FCHSD2: variants seen among roughly 807,000 people sequenced by gnomAD.
FCHSD2 encodes the protein F-BAR and double SH3 domains protein 2.
A neutral mutation model predicts 108.1 loss-of-function variants in FCHSD2; 38 were observed. The ratio of observed to expected loss-of-function variants is 0.35; its 90% CI spans 0.27 to 0.46. FCHSD2 has a LOEUF of 0.46. Ranked by LOEUF, FCHSD2 falls within the 20% of genes least tolerant of loss-of-function variation. FCHSD2 has a pLI of 1.00. For missense variants in FCHSD2, 751 were observed against 897.8 expected, an observed-to-expected ratio of 0.84 and a Z score of 2.09; for synonymous variants, 279 against 314.7, an observed-to-expected ratio of 0.89 and a Z score of 1.20.
At chr11:73,124,881 TA>T (rs1404379823) in intron 2 of FCHSD2, among the ~76,000 whole-genome samples, 9 of 151,982 alleles carry the variant, frequency 5.9e-5, no homozygotes, top group Admixed American at 2.0e-4. Context: ...ACTCAAACTG[TA>T]GGAAACCAAA....
At chr11:72,934,518 G>A (rs1856262106) in intron 8 of FCHSD2, among the ~76,000 whole-genome samples, 1 of 151,930 alleles carries the variant, frequency 6.6e-6, no homozygotes, top group African/African-American at 2.4e-5. Context: ...TATTAAAGTA[G>A]AGACAAGGTT....
intron 4 of FCHSD2, among the ~76,000 whole-genome samples, chr11:73,005,236 A>G (rs1156378395): frequency 6.6e-6 from 1 of 152,186 alleles, no homozygotes; most frequent in Non-Finnish European, 1.5e-5. Context: ...AAACTCCTTG[A>G]AAGAATTGTC....
chr11:72,872,276 TTTTTC>T lies in FCHSD2; in HGVS notation c.1147-4255_1147-4251del, dbSNP rs1219989700. Among the ~76,000 whole-genome samples the T allele has an allele frequency of 9.6e-4, 107 of 111,450 alleles. 1 individual carries two copies. The highest frequency in any genetic ancestry group is 3.7e-3 in the African/African-American group (106 of 28,824). 73.1% of individuals were successfully genotyped at this position (111,450 alleles called of 152,430 possible). ...AAAGACCTTTTGGCACACAACTTTT[TTTTTC>T]TTTTCTTTTTTTTTTTTTTTTTTAG... is the stretch of plus-strand genomic sequence containing the variant. On this transcript the variant is annotated intron_variant, in intron 12 of 19. Transcript: ENST00000409418.
intron 13 of FCHSD2, among the ~76,000 whole-genome samples, chr11:72,858,760 TTAAAA>T (rs1469902720): frequency 6.6e-6 from 1 of 152,122 alleles, no homozygotes; most frequent in Non-Finnish European, 1.5e-5. Flanking sequence ...ATCCCTGAAC[TTAAAA>T]TAAAAGTTAA....
intron 3 of FCHSD2, among the ~76,000 whole-genome samples, chr11:73,018,068 C>T (rs1858013354): frequency 6.6e-6 from 1 of 152,066 alleles, no homozygotes; most frequent in Non-Finnish European, 1.5e-5. Context: ...ATTATGAACT[C>T]ATGTATTTTA....
intron 2 of FCHSD2, among the ~76,000 whole-genome samples, chr11:73,115,174 T>G (rs1860575556): frequency 6.6e-6 from 1 of 152,186 alleles, no homozygotes; most frequent in Non-Finnish European, 1.5e-5. Flanking sequence ...TTGGCTAAGT[T>G]TAGCCCAGTT....
chr11:72,910,066 G>A (rs1316155874), intron 9 of FCHSD2, among the ~76,000 whole-genome samples: 38 of 144,154 alleles, frequency 2.6e-4, no homozygotes, highest in African/African-American at 8.6e-4. Flanking sequence ...ACCTCTGCCC[G>A]GCCGCCCCAT....
intron 10 of FCHSD2, chr11:72,900,316 C>T (rs368010371): frequency 1.4e-5 from 21 of 1,502,334 alleles, no homozygotes; most frequent in South Asian, 4.8e-5. Context: ...ACCAGTTGGG[C>T]GGCTTTTAAA....
At chr11:72,970,721 C>T (rs937782927) in intron 8 of FCHSD2, among the ~76,000 whole-genome samples, 2 of 152,122 alleles carry the variant, frequency 1.3e-5, no homozygotes, top group East Asian at 1.9e-4. Flanking sequence ...TGGTGAGATG[C>T]GAATTCTTCT....
rs530753029 is a variant in FCHSD2 at position 72,980,577 on chromosome 11, A to T, written c.705+3511T>A. On this transcript the variant is annotated intron_variant, in intron 8 of 19. Coordinates refer to ENST00000409418, the MANE Select transcript of FCHSD2 (RefSeq NM_014824.3). ...AAGGCAATATTAAGCAATAAAAAAGATAGCTATTATTATTACTAACCACAG... is the reference window on the plus strand; with the variant it reads ...AAGGCAATATTAAGCAATAAAAAAGTTAGCTATTATTATTACTAACCACAG... 3.3e-5 allele frequency among the ~76,000 whole-genome samples: 5 copies of T among 152,120 alleles called. No individual in the cohort carries two copies. The East Asian group carries it at 9.6e-4, about 29-fold the overall frequency.
intron 8 of FCHSD2, among the ~76,000 whole-genome samples, chr11:72,924,611 T>C (rs893467302): frequency 2.6e-5 from 4 of 151,902 alleles, no homozygotes; most frequent in Admixed American, 1.3e-4. Flanking sequence ...GCTTCTGTGT[T>C]GGTACTATAT....
chr11:72,922,610 TAAA>T (rs1855996290), intron 8 of FCHSD2, among the ~76,000 whole-genome samples: 1 of 151,896 alleles, frequency 6.6e-6, no homozygotes, highest in Non-Finnish European at 1.5e-5. Context: ...GTCACCAAAA[TAAA>T]AACCGTGGAA....
At position 72,963,391 on chromosome 11, in the gene FCHSD2, G is replaced by C. The variant is rs376981337; in HGVS notation, c.705+20697C>G. On this transcript the variant is annotated intron_variant, in intron 8 of 19. Coordinates refer to ENST00000409418, the MANE Select transcript of FCHSD2 (RefSeq NM_014824.3). ...TACTTACTAGCAGCCTCATATTACA[G>C]ATGAGCTAAGTGAGGCATACAGAAG... Among the ~76,000 whole-genome samples, 14 of 152,164 alleles carry C rather than the reference G, an allele frequency of 9.2e-5. No homozygotes were observed. The East Asian group carries it at 9.6e-4, about 10-fold the overall frequency.
chr11:72,858,951 G>T (rs1591348306), intron 13 of FCHSD2, among the ~76,000 whole-genome samples: 1 of 152,300 alleles, frequency 6.6e-6, no homozygotes, highest in East Asian at 1.9e-4. Context: ...ATCCCTGGGG[G>T]ATGGGAAACA....
chr11:73,139,878 T>G (rs1265045671), intron 2 of FCHSD2, among the ~76,000 whole-genome samples, 153 bp downstream of exon 2: 1 of 152,232 alleles, frequency 6.6e-6, no homozygotes, highest in African/African-American at 2.4e-5. Context: ...TTGTGTTAGT[T>G]CCAGTTCTAA....
At chr11:72,903,412 G>A (rs1248021178) in intron 9 of FCHSD2, among the ~76,000 whole-genome samples, 1 of 151,970 alleles carries the variant, frequency 6.6e-6, no homozygotes, top group Non-Finnish European at 1.5e-5. Flanking sequence ...GTAGAGATGG[G>A]GTTTCACCCT....
chr11:73,058,927 G>A (rs1859097686), intron 3 of FCHSD2, among the ~76,000 whole-genome samples: 1 of 152,032 alleles, frequency 6.6e-6, no homozygotes, highest in South Asian at 2.1e-4. Flanking sequence ...TTACCAACCA[G>A]AAATATAATT....
chr11:72,972,039 T>C (rs994610265), intron 8 of FCHSD2, among the ~76,000 whole-genome samples: 6 of 152,192 alleles, frequency 3.9e-5, no homozygotes, highest in East Asian at 1.9e-4. Flanking sequence ...TGTATATTAA[T>C]TGTACCTCAA....
At chr11:72,912,689 G>C (rs1166847819) in intron 9 of FCHSD2, among the ~76,000 whole-genome samples, 1 of 152,152 alleles carries the variant, frequency 6.6e-6, no homozygotes, top group Non-Finnish European at 1.5e-5. Flanking sequence ...AATTGGTTGA[G>C]TAAAATTGGT....
Sources: allele counts gnomAD v4.1 joint callset (sites outside exome capture counted in the v4.1 genomes callset), GRCh38; gene constraint gnomAD v4.1.1; transcripts MANE v1.5; gene names NCBI Gene and HGNC (gene_info 2026-07-23, HGNC 2026-07-21).